POLI: variants seen among roughly 807,000 people sequenced by gnomAD.
POLI encodes DNA polymerase iota.
In POLI, 58 loss-of-function variants were observed where a neutral mutation model predicts 51.6. That is an observed-to-expected ratio of 1.12 (90% CI 0.91 to 1.40). POLI has a LOEUF of 1.40. POLI is among the 40% of genes most tolerant of loss of function. The pLI, the probability that POLI is intolerant of heterozygous loss-of-function variation, is 0.00. For synonymous variants in POLI, 322 were observed against 299.7 expected (o/e 1.07, Z -0.77); for missense variants, 921 against 871.3 (o/e 1.06, Z -0.72).
intron 1 of POLI, chr18:54,269,957 C>G: frequency 8.6e-7 from 1 of 1,159,876 alleles, no homozygotes; most frequent in Non-Finnish European, 1.1e-6. Flanking sequence ...CTCAGCCAGC[C>G]CGACGAAAAC....
chr18:54,293,730 A>C lies in POLI; in HGVS notation c.1486A>C (p.Ser496Arg), dbSNP rs1473985241. The C allele has an allele frequency of 6.2e-7, 1 of 1,603,544 alleles. No homozygotes were observed. The highest frequency in any genetic ancestry group is 8.5e-7 in the Non-Finnish European group (1 of 1,175,358). ...TTTCCTACCAAGTGGAAGAATTGAAAGTACAAGAACTAGGGAGTCTCCACT... is the reference window on the plus strand; with the variant it reads ...TTTCCTACCAAGTGGAAGAATTGAACGTACAAGAACTAGGGAGTCTCCACT... ...RDFLPSGRIE[S>R]TRTRESPLDT... is the part of the protein sequence containing the mutation. Residue 496 changes from serine to arginine, a missense_variant, in exon 10 of 10, where the codon AGT becomes CGT. Transcript: ENST00000579534.
chr18:54,277,971 A>G, intron 4 of POLI, 116 bp downstream of exon 4: 2 of 737,852 alleles, frequency 2.7e-6, no homozygotes, highest in Non-Finnish European at 4.3e-6. Flanking sequence ...AGGTATAGTT[A>G]TATTTAGTCA....
chr18:54,318,951 A>T (rs539226074), intron 3 of POLI, among the ~76,000 whole-genome samples: 1 of 152,274 alleles, frequency 6.6e-6, no homozygotes, highest in Admixed American at 6.5e-5. Context: ...GCCAGGTGTG[A>T]ACAGTGTTCC....
intron 7 of POLI, among the ~76,000 whole-genome samples, chr18:54,285,686 C>T (rs2087712942): frequency 6.6e-6 from 1 of 152,000 alleles, no homozygotes; most frequent in African/African-American, 2.4e-5. Context: ...TACGATACAG[C>T]CTTTTTCTAA....
chr18:54,300,915 T>A (rs1036709766), downstream of POLI, among the ~76,000 whole-genome samples: 1 of 152,124 alleles, frequency 6.6e-6, no homozygotes, highest in African/African-American at 2.4e-5. Flanking sequence ...TCCTAAATGT[T>A]AATGCATCCT....
chr18:54,289,495 AC>A (rs2087897358), intron 8 of POLI, among the ~76,000 whole-genome samples: 1 of 152,128 alleles, frequency 6.6e-6, no homozygotes, highest in South Asian at 2.1e-4. Flanking sequence ...TGCATATGGA[AC>A]CAAAAATGAG....
Position 54,294,334 on chromosome 18 carries a change from C to CT in POLI, c.2091dup (p.Val698CysfsTer2). ...CTTACAGAAAATAGAGAGCCAGATT[C>CT]TGTTGATGAGAAAATTACTTTCCCT... On this transcript the variant is annotated frameshift_variant, in exon 10 of 10. Transcript: ENST00000579534. LOFTEE classifies it high-confidence loss of function. 2 of 1,613,522 alleles carry CT rather than the reference C, an allele frequency of 1.2e-6. No homozygotes were observed. Among genetic ancestry groups the CT allele is most frequent in the South Asian group, 2.2e-5 (2 of 91,070 alleles).
chr18:54,271,134 A>G (rs1445204330), intron 1 of POLI: 1 of 358,968 alleles, frequency 2.8e-6, no homozygotes, highest in Non-Finnish European at 4.9e-6. Context: ...ACTTATTACT[A>G]TCCTGAGAAA....
chr18:54,290,588 A>G (rs986470594), intron 8 of POLI, among the ~76,000 whole-genome samples: 6 of 152,378 alleles, frequency 3.9e-5, no homozygotes, highest in Admixed American at 6.5e-5. Context: ...CCAAATGTCC[A>G]TCAGTAATAG....
Position 54,294,366 on chromosome 18 carries a change from A to G in POLI, c.2122A>G (p.Ile708Val). The G allele has an allele frequency of 1.2e-6, 2 of 1,613,628 alleles. No individual in the cohort carries two copies. Among genetic ancestry groups the G allele is most frequent in the Non-Finnish European group, 1.7e-6 (2 of 1,179,676 alleles). ...VDEKITFPSDIDPQVFYELPE... is the reference protein window; with the variant it reads ...VDEKITFPSDVDPQVFYELPE... Reference sequence around the variant, plus strand: ...TGAGAAAATTACTTTCCCTTCTGACATTGATCCTCAAGTTTTCTATGAACT... The same window carrying G: ...TGAGAAAATTACTTTCCCTTCTGACGTTGATCCTCAAGTTTTCTATGAACT... Residue 708 changes from isoleucine (I) to valine (V), a missense_variant, in exon 10 of 10, where the codon ATT becomes GTT. By Grantham distance (29) the Ile-to-Val change is conservative. Coordinates refer to ENST00000579534, the MANE Select transcript of POLI (RefSeq NM_007195.3).
At chr18:54,311,227 TTG>T (rs2088664659) in intron 3 of POLI, 7 of 310,470 alleles carry the variant, frequency 2.3e-5, no homozygotes, top group Non-Finnish European at 3.3e-5. Context: ...GTTGCCTCTG[TTG>T]TTGATGCATC....
At position 54,269,609 on chromosome 18, in the gene POLI, C is replaced by T. The variant is rs768260408; in HGVS notation, c.63C>T (p.Ala21=). 2.0e-6 allele frequency: 3 copies of T among 1,502,092 alleles called. No homozygotes were observed. Among genetic ancestry groups the T allele is most frequent in the Admixed American group, 2.4e-5 (1 of 41,232 alleles). The allele number at this position is 1,502,092 out of a possible 1,614,324, so 93.0% of individuals were successfully genotyped here. ...GCGGCGACGACGACGAGGAAGACGC[C>T]GAGGCCTGGGCCATGGAACTGGCGG... ...EGGGDDDEED[A]EAWAMELADV... The change falls in exon 1 of 10, where the codon GCC becomes GCT. Residue 21 remains alanine (A), a synonymous_variant. Transcript: ENST00000579534.
At chr18:54,298,888 A>G (rs2088440762), downstream of POLI, among the ~76,000 whole-genome samples, 1 of 151,910 alleles carries the variant, frequency 6.6e-6, no homozygotes. Flanking sequence ...CCCTGGCCCT[A>G]CTACAGAATC....
chr18:54,318,656 ACTGTACCC>A (rs2088762116), intron 3 of POLI, among the ~76,000 whole-genome samples: 1 of 152,126 alleles, frequency 6.6e-6, no homozygotes, highest in South Asian at 2.1e-4. Context: ...TATCTGCTTA[ACTGTACCC>A]CTATAAAACA....
Position 54,296,978 on chromosome 18 carries a change from A to T in POLI, c.*2511A>T, listed in dbSNP as rs2088361531. 1.0e-6 allele frequency: 1 copy of T among 984,970 alleles called. No individual in the cohort carries two copies. The highest frequency in any genetic ancestry group is 1.7e-5 in the African/African-American group (1 of 57,228). The allele number at this position is 984,970 out of a possible 1,614,324, so 61.0% of individuals were successfully genotyped here. On this transcript the variant is annotated 3_prime_UTR_variant, in exon 10 of 10. Coordinates refer to ENST00000579534, the MANE Select transcript of POLI (RefSeq NM_007195.3). ...CTTGAGTATGTGTTAATCTGCGAGAAGACAGAGGGCCTAAATTGTGTATGT... is the reference window on the plus strand; with the variant it reads ...CTTGAGTATGTGTTAATCTGCGAGATGACAGAGGGCCTAAATTGTGTATGT...
At position 54,289,086 on chromosome 18, in the gene POLI, T is replaced by C. The variant is rs139430380; in HGVS notation, c.1198+1675T>C. ...ACTCTGGATTTACAATTTTTTCTTG[T>C]AGGGTTTTTTCTTTTTTGTTTCCTG... On this transcript the variant is annotated intron_variant, in intron 8 of 9. Transcript: ENST00000579534. 4.7e-4 allele frequency among the ~76,000 whole-genome samples: 72 copies of C among 152,228 alleles called. 1 individual carries two copies. Among genetic ancestry groups the C allele is most frequent in the African/African-American group, 1.6e-3 (68 of 41,556 alleles).
At position 54,293,618 on chromosome 18, in the gene POLI, T is replaced by A. The variant is rs751876068; in HGVS notation, c.1405-31T>A. ...AGCGATATTTAAAAGATATCAGATA[T>A]GTAAATTAGTCTGTTATTCTTGTGT... On this transcript the variant is annotated intron_variant, in intron 9 of 9. Transcript: ENST00000579534. The A allele has an allele frequency of 5.0e-6, 7 of 1,409,552 alleles. No individual in the cohort carries two copies. The African/African-American group carries it at 7.2e-5, about 15-fold the overall frequency. The allele number at this position is 1,409,552 out of a possible 1,614,324, so 87.3% of individuals were successfully genotyped here. A position where few individuals can be genotyped will look rare whatever the true frequency, so the allele number is the denominator to read the frequency against.
rs756309519 is a variant in POLI, at chr18:54,295,566, A to G, written c.*1099A>G. The G allele has an allele frequency of 1.3e-5, 11 of 818,934 alleles. No homozygotes were observed. The highest frequency in any genetic ancestry group is 5.6e-5 in the South Asian group (1 of 17,812). 50.7% of individuals were successfully genotyped at this position (818,934 alleles called of 1,614,324 possible). A position where few individuals can be genotyped will look rare whatever the true frequency, so the allele number is the denominator to read the frequency against. On this transcript the variant is annotated 3_prime_UTR_variant, in exon 10 of 10. Coordinates refer to ENST00000579534, the MANE Select transcript of POLI (RefSeq NM_007195.3). ...AAAGAAGAGACTTTAAAAATAAAGT[A>G]CACAAATATGAACCAAAGAGTAGCT...
In POLI at chr18:54,296,238, T is replaced by C. The variant is rs2088318842; in HGVS notation, c.*1771T>C. 1.0e-6 allele frequency: 1 copy of C among 985,234 alleles called. No homozygotes were observed. The highest frequency in any genetic ancestry group is 1.2e-6 in the Non-Finnish European group (1 of 829,886). 61.0% of individuals were successfully genotyped at this position (985,234 alleles called of 1,614,324 possible). ...TAGAAGGGGCTTAAGAAAAAATGGC[T>C]AAGAAAACAAAGTAAATGGTTTTGG... On this transcript the variant is annotated 3_prime_UTR_variant, in exon 10 of 10. Transcript: ENST00000579534.
Sources: allele counts gnomAD v4.1 joint callset (sites outside exome capture counted in the v4.1 genomes callset), GRCh38; gene constraint gnomAD v4.1.1; transcripts MANE v1.5; gene names NCBI Gene and HGNC (gene_info 2026-07-23, HGNC 2026-07-21).